CAPZA1: variants seen among roughly 807,000 people sequenced by gnomAD.
CAPZA1 encodes the protein capping actin protein of muscle Z-line subunit alpha 1, also known as F-actin-capping protein subunit alpha-1.
CAPZA1 carries 10 observed loss-of-function variants against 40.8 expected under a neutral mutation model. That is an observed-to-expected ratio of 0.25 (90% CI 0.15 to 0.42). The LOEUF (loss-of-function observed/expected upper bound fraction) is 0.42, where lower values mean the gene tolerates loss of function less well. Among genes scored for constraint, CAPZA1 ranks in the 10% least tolerant of loss-of-function variants. The probability of loss-of-function intolerance (pLI) is 1.00; values close to 1 mark genes in which losing one functional copy is unlikely to be tolerated. For synonymous variants in CAPZA1, 98 were observed against 115.0 expected, an observed-to-expected ratio of 0.85 and a Z score of 0.95; for missense variants, 277 against 353.8, an observed-to-expected ratio of 0.78 and a Z score of 1.74.
At chr1:112,660,481 T>G (rs1377271359) in intron 7 of CAPZA1, among the ~76,000 whole-genome samples, 3 of 151,932 alleles carry the variant, frequency 2.0e-5, no homozygotes, top group Non-Finnish European at 4.4e-5. Context: ...GGTTTCTCCA[T>G]GTTGGTTAGG....
intron 1 of CAPZA1, among the ~76,000 whole-genome samples, chr1:112,627,735 C>T (rs980802403): frequency 2.0e-5 from 3 of 149,958 alleles, no homozygotes; most frequent in Non-Finnish European, 4.4e-5. Context: ...CTGAGGCAGG[C>T]GGATCACCTG....
intron 1 of CAPZA1, chr1:112,626,117 CTCA>C (rs1670800711): frequency 6.6e-6 from 1 of 152,222 alleles, no homozygotes; most frequent in Non-Finnish European, 1.5e-5. Flanking sequence ...CTTCTCATTA[CTCA>C]TCATCTAGAG....
intron 1 of CAPZA1, among the ~76,000 whole-genome samples, chr1:112,646,538 C>T (rs552047270): frequency 6.6e-6 from 1 of 152,310 alleles, no homozygotes; most frequent in South Asian, 2.1e-4. Context: ...GATCATGCCA[C>T]TGCACTCCAG....
chr1:112,651,272 A>T (rs1047118427), intron 3 of CAPZA1, among the ~76,000 whole-genome samples: 1 of 152,220 alleles, frequency 6.6e-6, no homozygotes, highest in East Asian at 1.9e-4. Flanking sequence ...TTTCATTCTG[A>T]CAGAGATAGG....
At chr1:112,648,790 C>G (rs1671331904) in intron 2 of CAPZA1, among the ~76,000 whole-genome samples, 1 of 152,004 alleles carries the variant, frequency 6.6e-6, no homozygotes, top group Admixed American at 6.6e-5. Context: ...TGGTGAAACC[C>G]CGTCTCTACT....
chr1:112,659,642 A>G (rs1671564506), intron 6 of CAPZA1, 59 bp from the exon 7 acceptor site: 1 of 1,370,308 alleles, frequency 7.3e-7, no homozygotes, highest in Admixed American at 1.7e-5. Context: ...CTCAGTGGCA[A>G]ATCACCTCTT....
intron 6 of CAPZA1, 106 bp downstream of exon 6, chr1:112,659,207 A>G (rs1671555517): frequency 2.7e-6 from 2 of 739,346 alleles, no homozygotes; most frequent in Non-Finnish European, 4.8e-6. Flanking sequence ...TACAGACTTC[A>G]GTTTTCCATC....
At chr1:112,637,047 A>C (rs1287715509) in intron 1 of CAPZA1, among the ~76,000 whole-genome samples, 1 of 152,246 alleles carries the variant, frequency 6.6e-6, no homozygotes, top group East Asian at 1.9e-4. Context: ...CATGTGACAC[A>C]CTAAAGGTAA....
At chr1:112,653,528 A>G in intron 3 of CAPZA1, 70 bp from the exon 4 acceptor site, 1 of 1,017,360 alleles carries the variant, frequency 9.8e-7, no homozygotes, top group East Asian at 2.6e-5. Flanking sequence ...TTTTGTGTTT[A>G]TTTACACATA....
At chr1:112,621,877 T>G (rs1670682076) in intron 1 of CAPZA1, among the ~76,000 whole-genome samples, 1 of 149,202 alleles carries the variant, frequency 6.7e-6, no homozygotes, top group Non-Finnish European at 1.5e-5. Context: ...TTCTCCTGCC[T>G]CAGCCTCTCG....
chr1:112,642,185 T>C (rs2101156474), intron 1 of CAPZA1, among the ~76,000 whole-genome samples: 1 of 143,600 alleles, frequency 7.0e-6, no homozygotes, highest in Admixed American at 7.0e-5. Context: ...TCACAGCCTC[T>C]GAAGACTACC....
rs1570706151 is a variant in CAPZA1 at position 112,636,706 on chromosome 1, T to C, written c.40-10504T>C. On this transcript the variant is annotated intron_variant, in intron 1 of 9. Transcript: ENST00000263168. The stretch of plus-strand genomic sequence containing the variant: ...CTCAAGTTAGAGGAGCTGACATACC[T>C]CCCCTTTATGGGAGATAACTGCCTT... Among the ~76,000 whole-genome samples the C allele has an allele frequency of 3.9e-5, 6 of 152,080 alleles. No homozygotes were observed. The South Asian group carries it at 1.2e-3, about 31-fold the overall frequency.
At chr1:112,643,539 C>G (rs1671220842) in intron 1 of CAPZA1, among the ~76,000 whole-genome samples, 1 of 152,128 alleles carries the variant, frequency 6.6e-6, no homozygotes, top group Admixed American at 6.5e-5. Context: ...GGATTTGTAG[C>G]TAAAAGAAAT....
chr1:112,640,118 C>T (rs1671116106), intron 1 of CAPZA1, among the ~76,000 whole-genome samples: 1 of 124,306 alleles, frequency 8.0e-6, no homozygotes, highest in African/African-American at 3.1e-5. Context: ...CCCAGCCAGC[C>T]GCCCCGTCCG....
At chr1:112,626,431 C>T (rs1670808014) in intron 1 of CAPZA1, among the ~76,000 whole-genome samples, 1 of 145,386 alleles carries the variant, frequency 6.9e-6, no homozygotes, top group Non-Finnish European at 1.5e-5. Flanking sequence ...CCGGTCTCTA[C>T]CAAAAAAAAA....
intron 7 of CAPZA1, among the ~76,000 whole-genome samples, chr1:112,665,377 G>A (rs535657553): frequency 1.3e-5 from 2 of 151,542 alleles, no homozygotes; most frequent in South Asian, 2.1e-4. Flanking sequence ...ATGGGGTTTC[G>A]CCGTGTTGGC....
chr1:112,668,249 C>T (rs1450472444), intron 8 of CAPZA1, among the ~76,000 whole-genome samples: 1 of 152,054 alleles, frequency 6.6e-6, no homozygotes, highest in African/African-American at 2.4e-5. Flanking sequence ...GCACTTCAGC[C>T]TGGGTGACAG....
chr1:112,622,093 C>A (rs1311380038), intron 1 of CAPZA1, among the ~76,000 whole-genome samples: 3 of 151,710 alleles, frequency 2.0e-5, no homozygotes, highest in Non-Finnish European at 2.9e-5. Flanking sequence ...GATCTGTGAC[C>A]AGTTTCCTCT....
chr1:112,662,437 T>G (rs1280584605), intron 7 of CAPZA1, among the ~76,000 whole-genome samples: 1 of 148,018 alleles, frequency 6.8e-6, no homozygotes, highest in Non-Finnish European at 1.5e-5. Flanking sequence ...CTCGCTCTGT[T>G]GCCCAGGATG....
Sources: allele counts gnomAD v4.1 joint callset (sites outside exome capture counted in the v4.1 genomes callset), GRCh38; gene constraint gnomAD v4.1.1; transcripts MANE v1.5; gene names NCBI Gene and HGNC (gene_info 2026-07-23, HGNC 2026-07-21).